WWOX: variants seen among roughly 807,000 people sequenced by gnomAD.
WWOX encodes WW domain-containing oxidoreductase.
A neutral mutation model predicts 46.2 loss-of-function variants in WWOX; 69 were observed. The ratio of observed to expected loss-of-function variants is 1.49; its 90% CI spans 1.23 to 1.82. The LOEUF is 1.82. WWOX is among the 40% of genes most tolerant of loss of function. The pLI is 0.00. For missense variants in WWOX, 919 were observed against 542.6 expected (o/e 1.69, Z -6.89); for synonymous variants, 359 against 202.6 (o/e 1.77, Z -6.56).
rs540113326 is a variant in WWOX, at chr16:78,975,746, C to T, written c.1057-235862C>T. On this transcript the variant is annotated intron_variant, in intron 8 of 8. Transcript: ENST00000566780. ...TAGGCAACACAGAGCCAATTGAGGC[C>T]TTTGGGCAAGCGGAGGTCATGATGG... 2.0e-5 allele frequency among the ~76,000 whole-genome samples: 3 copies of T among 152,250 alleles called. No homozygotes were observed. The South Asian group carries it at 6.2e-4, about 32-fold the overall frequency.
chr16:78,198,493 A>C (rs2036127850), intron 5 of WWOX, among the ~76,000 whole-genome samples: 2 of 152,194 alleles, frequency 1.3e-5, no homozygotes, highest in African/African-American at 2.4e-5. Flanking sequence ...ATACTGATGG[A>C]GAATGGGCTC....
At chr16:78,422,842 TATACACACACACACACACAC>T (rs2082980175) in intron 6 of WWOX, among the ~76,000 whole-genome samples, 1 of 76,312 alleles carries the variant, frequency 1.3e-5, no homozygotes, top group African/African-American at 5.8e-5. Flanking sequence ...TATATATACA[TATACACACACACACACACAC>T]ACACACACAC....
intron 5 of WWOX, chr16:78,270,198 C>A (rs1454441451): frequency 6.6e-6 from 1 of 152,088 alleles, no homozygotes; most frequent in African/African-American, 2.4e-5. Flanking sequence ...TTTCTCCTAG[C>A]TGTCATTGGT....
At chr16:78,795,263 G>T (rs971317285) in intron 8 of WWOX, among the ~76,000 whole-genome samples, 3 of 152,114 alleles carry the variant, frequency 2.0e-5, no homozygotes, top group African/African-American at 7.2e-5. Context: ...GGAAAAAAAG[G>T]CATAAATACT....
intron 8 of WWOX, among the ~76,000 whole-genome samples, chr16:78,883,419 A>T (rs34267720): frequency 0.11 from 17,228 of 152,230 alleles, 1,647 homozygotes; most frequent in African/African-American, 0.26. Flanking sequence ...ATAGTAACAT[A>T]CCATTTTCAT....
intron 5 of WWOX, among the ~76,000 whole-genome samples, chr16:78,351,978 C>A (rs978146990): frequency 2.0e-5 from 3 of 152,098 alleles, no homozygotes; most frequent in Non-Finnish European, 4.4e-5. Flanking sequence ...TTTCTTCAAA[C>A]CTAGATCAAG....
chr16:78,303,240 T>C (rs1363729674), intron 5 of WWOX, among the ~76,000 whole-genome samples: 1 of 152,242 alleles, frequency 6.6e-6, no homozygotes, highest in African/African-American at 2.4e-5. Context: ...ACAAATTCTT[T>C]TTCTGATAGA....
Position 78,355,142 on chromosome 16 carries a change from A to AAAAGT in WWOX, c.517-31716_517-31712dup, listed in dbSNP as rs2081259213. On this transcript the variant is annotated intron_variant, in intron 5 of 8. Coordinates refer to ENST00000566780, the MANE Select transcript of WWOX (RefSeq NM_016373.4). ...GGGAGACTCTGTCTCAAAAGAAAAGAAAAGTAGAGAGGATAGTATAATGAG... is the reference window on the plus strand; with the variant it reads ...GGGAGACTCTGTCTCAAAAGAAAAGAAAAGTAAAGTAGAGAGGATAGTATAATGAG... Among the ~76,000 whole-genome samples the AAAAGT allele has an allele frequency of 2.0e-5, 3 of 147,718 alleles. No homozygotes were observed. In the South Asian group the frequency reaches 6.8e-4, roughly 34 times the overall value.
chr16:78,674,265 C>A (rs1047815120), intron 8 of WWOX, among the ~76,000 whole-genome samples: 1 of 148,770 alleles, frequency 6.7e-6, no homozygotes, highest in Non-Finnish European at 1.5e-5. Context: ...CCAACTCGTT[C>A]CAACCAGTTC....
At chr16:79,170,069 T>C (rs1467482339) in intron 8 of WWOX, among the ~76,000 whole-genome samples, 6 of 152,180 alleles carry the variant, frequency 3.9e-5, no homozygotes, top group Non-Finnish European at 2.9e-5. Context: ...TCAAACAAGT[T>C]AGGATCTCCT....
At chr16:79,073,186 A>G (rs1320448960) in intron 8 of WWOX, among the ~76,000 whole-genome samples, 2 of 131,084 alleles carry the variant, frequency 1.5e-5, no homozygotes, top group South Asian at 2.4e-4. Flanking sequence ...TATTATTATT[A>G]TTATTACTGA....
intron 8 of WWOX, among the ~76,000 whole-genome samples, chr16:78,713,180 G>C (rs2048480404): frequency 6.7e-6 from 1 of 149,886 alleles, no homozygotes; most frequent in South Asian, 2.1e-4. Context: ...GTTGAGGCAG[G>C]AGGATTGCCT....
intron 8 of WWOX, among the ~76,000 whole-genome samples, chr16:79,209,894 G>A (rs1240507665): frequency 2.0e-5 from 3 of 152,192 alleles, no homozygotes; most frequent in African/African-American, 7.2e-5. Flanking sequence ...TGGATGACAT[G>A]AACTCATTTC....
At chr16:78,438,814 C>G (rs2083386302) in intron 8 of WWOX, among the ~76,000 whole-genome samples, 1 of 152,130 alleles carries the variant, frequency 6.6e-6, no homozygotes, top group Admixed American at 6.5e-5. Flanking sequence ...AGCTACCCTG[C>G]TAATGGATGG....
At chr16:79,202,054 C>G (rs1026576496) in intron 8 of WWOX, among the ~76,000 whole-genome samples, 3 of 140,894 alleles carry the variant, frequency 2.1e-5, no homozygotes, top group African/African-American at 8.6e-5. Flanking sequence ...TGGCCCAGTG[C>G]CTTTTTTTTT....
At chr16:78,419,050 C>T (rs1208776360) in intron 6 of WWOX, among the ~76,000 whole-genome samples, 1 of 152,070 alleles carries the variant, frequency 6.6e-6, no homozygotes, top group African/African-American at 2.4e-5. Flanking sequence ...TGTAGAAAAT[C>T]CTAGAAAGGT....
chr16:78,957,281 G>A (rs1426878351), intron 8 of WWOX, among the ~76,000 whole-genome samples: 1 of 152,154 alleles, frequency 6.6e-6, no homozygotes, highest in Non-Finnish European at 1.5e-5. Context: ...CATGCGTGAC[G>A]ACCAGATAAT....
At chr16:78,344,020 A>C (rs1199657374) in intron 5 of WWOX, among the ~76,000 whole-genome samples, 1 of 114,298 alleles carries the variant, frequency 8.7e-6, no homozygotes. Flanking sequence ...CTCCCACATC[A>C]CCCCACATTT....
intron 8 of WWOX, among the ~76,000 whole-genome samples, chr16:78,902,988 G>C (rs1042320860): frequency 2.2e-4 from 34 of 152,260 alleles, no homozygotes; most frequent in African/African-American, 7.9e-4. Flanking sequence ...ACCAGCGGAG[G>C]GTGTCCGGGT....
Sources: gnomAD v4.1 joint callset for allele counts (sites outside exome capture counted in the v4.1 genomes callset) on GRCh38, gnomAD v4.1.1 for gene constraint, MANE v1.5 for transcripts, NCBI Gene and HGNC (gene_info 2026-07-23, HGNC 2026-07-21) for gene names.